The following PRH1 variants were observed in gnomAD, a reference collection of about 807,000 sequenced individuals.
PRH1 encodes salivary acidic proline-rich phosphoprotein 1/2.
In PRH1, 7 loss-of-function variants were observed where a neutral mutation model predicts 7.9. That is an observed-to-expected ratio of 0.89 (90% CI 0.50 to 1.67). The LOEUF is 1.67. Among genes scored for constraint, PRH1 ranks in the 40% most tolerant of loss-of-function variants. PRH1 has a pLI of 0.00. For synonymous variants in PRH1, 45 were observed against 80.8 expected (o/e 0.56, Z 2.38); for missense variants, 109 against 223.6 (o/e 0.49, Z 3.27).
intron 1 of PRH1, among the ~76,000 whole-genome samples, chr12:11,109,312 G>A (rs1223070461): frequency 1.3e-5 from 2 of 152,190 alleles, no homozygotes; most frequent in East Asian, 3.9e-4. Context: ...CAGCACTTGA[G>A]CTCTGCTAAA....
intron 1 of PRH1, among the ~76,000 whole-genome samples, chr12:11,041,919 CT>C (rs1942723543): frequency 6.6e-6 from 1 of 151,954 alleles, no homozygotes; most frequent in South Asian, 2.1e-4. Flanking sequence ...TGGAAAATTG[CT>C]AGAAACAAAT....
chr12:10,997,845 T>A, intron 1 of PRH1: 4 of 1,602,218 alleles, frequency 2.5e-6, no homozygotes, highest in Admixed American at 3.5e-5. Flanking sequence ...ACTACTAGAA[T>A]GGAAAAAACA....
chr12:11,031,510 T>A, intron 1 of PRH1: 2 of 684,466 alleles, frequency 2.9e-6, no homozygotes, highest in Non-Finnish European at 4.5e-6. Flanking sequence ...CAAGGTTTAT[T>A]GAGAAGAGAG....
At chr12:10,960,646 ACAT>A (rs1321176451) in intron 2 of PRH1, among the ~76,000 whole-genome samples, 1 of 152,214 alleles carries the variant, frequency 6.6e-6, no homozygotes, top group Non-Finnish European at 1.5e-5. Flanking sequence ...ATTTTGCAAA[ACAT>A]CATGCTAACT....
intron 2 of PRH1, among the ~76,000 whole-genome samples, chr12:10,956,655 A>C (rs1478432668): frequency 6.6e-6 from 1 of 152,146 alleles, no homozygotes; most frequent in Non-Finnish European, 1.5e-5. Context: ...ATGTGACTTT[A>C]TACCTAGAAA....
chr12:11,003,641 TG>T (rs1287203928), intron 1 of PRH1, among the ~76,000 whole-genome samples: 1 of 151,928 alleles, frequency 6.6e-6, no homozygotes, highest in African/African-American at 2.4e-5. Flanking sequence ...TTTTATAAAA[TG>T]TTATAATTTC....
chr12:11,038,889 T>C (rs1444541789), intron 1 of PRH1, among the ~76,000 whole-genome samples: 1 of 152,250 alleles, frequency 6.6e-6, no homozygotes, highest in Non-Finnish European at 1.5e-5. Flanking sequence ...ATTCCCATTG[T>C]GTCGTATCCT....
At chr12:10,884,774 A>G (rs61914784), upstream of PRH1, among the ~76,000 whole-genome samples, 3,446 of 152,264 alleles carry the variant, frequency 0.023, 63 homozygotes, top group Middle Eastern at 0.044. Flanking sequence ...GGTCTTGCTT[A>G]TCTGTGAGAT....
chr12:10,891,507 T>C (rs1393509505), intron 2 of PRH1: 2 of 152,230 alleles, frequency 1.3e-5, no homozygotes, highest in African/African-American at 4.8e-5. Context: ...TTAGTCAACA[T>C]GTTAGCTACC....
At position 10,995,510 on chromosome 12, in the gene PRH1, TTTCA is replaced by T. The variant is rs554728064; in HGVS notation, c.-125-21793_-125-21790del. The stretch of plus-strand genomic sequence containing the variant: ...GAATATGTCAACACACTTTCTCTCA[TTTCA>T]TTATTTACACCAAGATTATAATAAA... On this transcript the variant is annotated intron_variant, in intron 1 of 3. Transcript: ENST00000539853. Among the ~76,000 whole-genome samples, 71 of 152,306 alleles carry T rather than the reference TTTCA, an allele frequency of 4.7e-4. 2 individuals carry two copies. The South Asian group carries it at 0.015, about 31-fold the overall frequency.
At chr12:10,919,182 G>A (rs1335887349) in intron 2 of PRH1, among the ~76,000 whole-genome samples, 2 of 152,000 alleles carry the variant, frequency 1.3e-5, no homozygotes, top group African/African-American at 4.8e-5. Flanking sequence ...CAATATTGTT[G>A]TTACAATACT....
chr12:10,909,123 A>G lies in PRH1; in HGVS notation c.-58-24848T>C, dbSNP rs201536455. ...AAACCAACTTACTAATATTTCCCAG[A>G]TCAGCCCAATTCTGGAGATTGCCAA... On this transcript the variant is annotated intron_variant, in intron 2 of 3. Coordinates refer to the PRH1 transcript ENST00000539853. 289 of 1,613,766 alleles carry G rather than the reference A, an allele frequency of 1.8e-4. No homozygotes were observed. Among genetic ancestry groups the G allele is most frequent in the Middle Eastern group, 3.3e-4 (2 of 6,082 alleles).
chr12:11,158,437 TAC>T (rs1309198650), intron 1 of PRH1, among the ~76,000 whole-genome samples: 2 of 152,154 alleles, frequency 1.3e-5, no homozygotes, highest in African/African-American at 2.4e-5. Flanking sequence ...AAAATTACAT[TAC>T]ACTTTTTTCT....
chr12:11,107,950 G>A (rs939277959), intron 1 of PRH1, among the ~76,000 whole-genome samples: 2 of 152,228 alleles, frequency 1.3e-5, no homozygotes, highest in Non-Finnish European at 2.9e-5. Flanking sequence ...TCCACTACAT[G>A]TGGCAGCAGA....
intron 2 of PRH1, among the ~76,000 whole-genome samples, chr12:10,966,101 T>A (rs1372819528): frequency 6.6e-6 from 1 of 152,198 alleles, no homozygotes; most frequent in Non-Finnish European, 1.5e-5. Flanking sequence ...CAGGAGGTCA[T>A]CCTGGTGAAA....
chr12:10,945,210 T>C (rs1481876693), intron 2 of PRH1, among the ~76,000 whole-genome samples: 1 of 152,182 alleles, frequency 6.6e-6, no homozygotes, highest in Admixed American at 6.5e-5. Context: ...CATAGGCTAT[T>C]TATTACTGAT....
chr12:11,005,636 C>T (rs890852474), intron 1 of PRH1, among the ~76,000 whole-genome samples: 5 of 152,084 alleles, frequency 3.3e-5, no homozygotes, highest in African/African-American at 1.2e-4. Context: ...CACAAACACA[C>T]ACATGCATAC....
At chr12:10,888,366 A>G (rs1949524245), upstream of PRH1, among the ~76,000 whole-genome samples, 1 of 152,198 alleles carries the variant, frequency 6.6e-6, no homozygotes, top group Non-Finnish European at 1.5e-5. Context: ...AACACACAGG[A>G]TGGACACCTT....
At chr12:10,962,961 C>A (rs1456432273) in intron 2 of PRH1, among the ~76,000 whole-genome samples, 1 of 152,064 alleles carries the variant, frequency 6.6e-6, no homozygotes, top group Non-Finnish European at 1.5e-5. Context: ...TAGCAGAGAC[C>A]GGGTTTCACA....
Sources: allele counts gnomAD v4.1 joint callset (sites outside exome capture counted in the v4.1 genomes callset), GRCh38; gene constraint gnomAD v4.1.1; transcripts MANE v1.5; gene names NCBI Gene and HGNC (gene_info 2026-07-23, HGNC 2026-07-21).